PAM: variants seen among roughly 807,000 people sequenced by gnomAD.
PAM encodes the protein peptidyl-glycine alpha-amidating monooxygenase.
PAM carries 72 observed loss-of-function variants against 122.1 expected under a neutral mutation model. The observed-to-expected ratio is 0.59, with a 90% CI of 0.49 to 0.72. PAM has a LOEUF of 0.72. Ranked by LOEUF, PAM falls within the 30% of genes least tolerant of loss-of-function variation. PAM has a pLI of 0.00. For missense variants in PAM, 1,106 were observed against 1,183.7 expected (o/e 0.93, Z 0.96); for synonymous variants, 389 against 404.4 (o/e 0.96, Z 0.46).
chr5:102,844,431 G>A (rs1032435738), intron 1 of PAM, among the ~76,000 whole-genome samples: 18 of 152,128 alleles, frequency 1.2e-4, no homozygotes, highest in Admixed American at 3.3e-4. Context: ...TTGAGAGGCC[G>A]AGGCAGGAGG....
intron 15 of PAM, chr5:102,989,680 A>T (rs1272358524): frequency 6.6e-6 from 1 of 152,186 alleles, no homozygotes; most frequent in Non-Finnish European, 1.5e-5. Flanking sequence ...GGGTCACTGA[A>T]ATTAGGAGAA....
At chr5:102,817,053 G>A (rs192254911) in intron 1 of PAM, among the ~76,000 whole-genome samples, 2 of 152,056 alleles carry the variant, frequency 1.3e-5, no homozygotes, top group East Asian at 1.9e-4. Flanking sequence ...AGGCTCCTAT[G>A]GGGATGCATG....
intron 12 of PAM, among the ~76,000 whole-genome samples, chr5:102,957,111 T>C (rs1320327632): frequency 6.6e-6 from 1 of 152,190 alleles, no homozygotes; most frequent in Non-Finnish European, 1.5e-5. Flanking sequence ...TTTACCTGTC[T>C]TTATACAGAT....
At chr5:102,991,506 C>T (rs1346692847) in intron 16 of PAM, among the ~76,000 whole-genome samples, 1 of 151,972 alleles carries the variant, frequency 6.6e-6, no homozygotes, top group African/African-American at 2.4e-5. Flanking sequence ...ATGTATAATT[C>T]AATTGGTTTT....
intron 21 of PAM, among the ~76,000 whole-genome samples, chr5:103,010,275 T>C (rs1360169669): frequency 1.3e-5 from 2 of 152,216 alleles, no homozygotes; most frequent in East Asian, 3.8e-4. Flanking sequence ...AGACATCTTG[T>C]TTGCTTTCTT....
At chr5:102,859,922 C>T (rs1030490229) in intron 1 of PAM, among the ~76,000 whole-genome samples, 10 of 152,230 alleles carry the variant, frequency 6.6e-5, no homozygotes, top group Non-Finnish European at 1.3e-4. Flanking sequence ...CGTATAGAGC[C>T]TTGGTGTGTC....
At chr5:102,881,155 C>G (rs187794868) in intron 3 of PAM, among the ~76,000 whole-genome samples, 6 of 151,220 alleles carry the variant, frequency 4.0e-5, no homozygotes, top group South Asian at 2.1e-4. Flanking sequence ...CACACACACA[C>G]AGAGACTTCT....
At chr5:102,903,050 A>C (rs1798472621) in intron 4 of PAM, among the ~76,000 whole-genome samples, 1 of 151,592 alleles carries the variant, frequency 6.6e-6, no homozygotes, top group Non-Finnish European at 1.5e-5. Flanking sequence ...CACAGGAAAC[A>C]CATAAAGGTC....
chr5:102,865,246 T>A (rs946805048), intron 1 of PAM: 1 of 152,216 alleles, frequency 6.6e-6, no homozygotes, highest in Non-Finnish European at 1.5e-5. Context: ...ACTTGGGCAA[T>A]TCTGTGATGA....
intron 4 of PAM, among the ~76,000 whole-genome samples, chr5:102,905,066 A>C (rs1799127029): frequency 6.6e-6 from 1 of 151,714 alleles, no homozygotes; most frequent in African/African-American, 2.4e-5. Context: ...TATTTTGAAC[A>C]AAATTATAGC....
chr5:102,949,653 C>T, intron 10 of PAM, 36 bp downstream of exon 10: 1 of 1,001,076 alleles, frequency 1.0e-6, no homozygotes, highest in Non-Finnish European at 1.6e-6. Flanking sequence ...AAATATTTAC[C>T]ATTGTGCTTC....
rs70990420 is a variant in PAM at position 102,941,833 on chromosome 5, C to CAAA, written c.527-4980_527-4978dup. Among the ~76,000 whole-genome samples, 60 of 58,362 alleles carry CAAA rather than the reference C, an allele frequency of 1.0e-3. 5 individuals are homozygous for CAAA. The highest frequency in any genetic ancestry group is 1.6e-3 in the South Asian group (2 of 1,220). The allele number at this position is 58,362 out of a possible 152,430, so 38.3% of individuals were successfully genotyped here. ...ACCTGCATTTCTAATCCAGATGGTA[C>CAAA]AAAAAAAAAAAAAAAAAAAAAAAAA... On this transcript the variant is annotated intron_variant, in intron 7 of 25. Transcript: ENST00000438793.
intron 1 of PAM, among the ~76,000 whole-genome samples, chr5:102,774,946 A>G (rs549337257): frequency 6.6e-6 from 1 of 152,018 alleles, no homozygotes; most frequent in East Asian, 1.9e-4. Flanking sequence ...TTATTTTTAT[A>G]AAAATATTCT....
intron 6 of PAM, 23 bp from the exon 7 acceptor site, chr5:102,926,562 T>C: frequency 7.2e-7 from 1 of 1,382,338 alleles, no homozygotes; most frequent in African/African-American, 1.4e-5. Context: ...TTCTAATATA[T>C]TAACTTTTTT....
intron 1 of PAM, among the ~76,000 whole-genome samples, chr5:102,777,980 G>A (rs751233331): frequency 3.9e-5 from 6 of 152,114 alleles, no homozygotes; most frequent in Admixed American, 6.5e-5. Context: ...AGAGACCTGC[G>A]ATCATTCCTT....
At chr5:102,913,488 C>T (rs974983817) in intron 4 of PAM, among the ~76,000 whole-genome samples, 4 of 151,908 alleles carry the variant, frequency 2.6e-5, no homozygotes, top group Non-Finnish European at 5.9e-5. Context: ...CTAAGATGGT[C>T]ATAAATTTGT....
chr5:103,017,397 C>T lies in PAM; in HGVS notation c.2395C>T (p.His799Tyr), dbSNP rs1377207526. 3 of 1,609,556 alleles carry T rather than the reference C, an allele frequency of 1.9e-6. No individual in the cohort carries two copies. The highest frequency in any genetic ancestry group is 2.6e-6 in the Non-Finnish European group (3 of 1,176,038). ...EDGTVYIGDA[H>Y]TNTVWKFTLT... is the part of the protein sequence containing the mutation. ...TGGGACTGTGTACATTGGAGATGCT[C>T]ATACCAACACCGTGTGGAAGTTCAC... The change falls in exon 22 of 26, where the codon CAT (histidine) becomes TAT (tyrosine). Residue 799 changes from histidine (H) to tyrosine (Y), a missense_variant. By Grantham distance (83) the His-to-Tyr change is moderately conservative. Coordinates refer to ENST00000438793, the MANE Select transcript of PAM (RefSeq NM_001177306.2).
chr5:102,825,146 CTAATT>C (rs1355976998), intron 1 of PAM, among the ~76,000 whole-genome samples: 2 of 152,154 alleles, frequency 1.3e-5, no homozygotes, highest in African/African-American at 2.4e-5. Flanking sequence ...AAGAAACAAT[CTAATT>C]TAAGTCATTT....
chr5:102,977,672 A>ATGTG (rs1768174045), intron 15 of PAM, among the ~76,000 whole-genome samples: 1 of 147,898 alleles, frequency 6.8e-6, no homozygotes, highest in African/African-American at 2.5e-5. Context: ...ACACACACAC[A>ATGTG]CACACACACA....
Sources: gnomAD v4.1 joint callset for allele counts (sites outside exome capture counted in the v4.1 genomes callset) on GRCh38, gnomAD v4.1.1 for gene constraint, MANE v1.5 for transcripts, NCBI Gene and HGNC (gene_info 2026-07-23, HGNC 2026-07-21) for gene names.